The following NWD2 variants were observed in gnomAD, a reference collection of about 807,000 sequenced individuals.
NWD2 encodes NACHT and WD repeat domain-containing protein 2.
NWD2 carries 37 observed loss-of-function variants against 132.7 expected under a neutral mutation model. That is an observed-to-expected ratio of 0.28 (90% CI 0.21 to 0.37). The LOEUF (loss-of-function observed/expected upper bound fraction) is 0.37. NWD2 is among the 10% of genes least tolerant of loss of function. NWD2 has a pLI of 1.00. For missense variants in NWD2, 1,592 were observed against 2,122.4 expected, an observed-to-expected ratio of 0.75 and a Z score of 4.91; for synonymous variants, 705 against 803.0, an observed-to-expected ratio of 0.88 and a Z score of 2.06.
At chr4:37,398,765 A>G (rs1028849279) in intron 3 of NWD2, among the ~76,000 whole-genome samples, 36 of 152,356 alleles carry the variant, frequency 2.4e-4, no homozygotes, top group Admixed American at 2.4e-3. Context: ...CTATGCCAAA[A>G]AGAATTTAAC....
chr4:37,431,612 C>T (rs1007538302), intron 4 of NWD2, among the ~76,000 whole-genome samples: 4 of 152,156 alleles, frequency 2.6e-5, no homozygotes, highest in Non-Finnish European at 5.9e-5. Context: ...GAGAGCAGAT[C>T]TCAAGTGTTC....
intron 3 of NWD2, among the ~76,000 whole-genome samples, chr4:37,420,627 G>A (rs1711780705): frequency 6.6e-6 from 1 of 152,176 alleles, no homozygotes; most frequent in African/African-American, 2.4e-5. Flanking sequence ...AGGTTGCAGT[G>A]AGCTGAGATC....
At chr4:37,418,174 T>C (rs1181769949) in intron 3 of NWD2, among the ~76,000 whole-genome samples, 6 of 151,892 alleles carry the variant, frequency 4.0e-5, no homozygotes, top group African/African-American at 1.5e-4. Context: ...GGGTGGTAAG[T>C]CAAAGGGCCC....
Position 37,443,684 on chromosome 4 carries a change from T to A in NWD2, c.1696T>A (p.Tyr566Asn). Residue 566 changes from tyrosine (Y) to asparagine (N), a missense_variant, in exon 7 of 7, where the codon TAC (tyrosine) becomes AAC (asparagine). Physicochemically the swap from Tyr to Asn is moderately radical, Grantham distance 143. Coordinates refer to ENST00000309447, the MANE Select transcript of NWD2 (RefSeq NM_001144990.2). The surrounding 1 kb of genome is among the most constrained non-coding windows in gnomAD (Gnocchi z 4.1). ...LRCLIHEEDN[Y>N]IELIPRDRKM... ...GTGCCTTATCCATGAAGAAGACAAC[T>A]ACATCGAGCTGATTCCCCGAGACAG... The A allele has an allele frequency of 6.4e-7, 1 of 1,552,072 alleles. No homozygotes were observed. The highest frequency in any genetic ancestry group is 8.7e-7 in the Non-Finnish European group (1 of 1,147,104).
In NWD2 at chr4:37,447,145, A is replaced by T; in HGVS notation, c.5157A>T (p.Lys1719Asn). 6.4e-7 allele frequency: 1 copy of T among 1,551,370 alleles called. No individual in the cohort carries two copies. The highest frequency in any genetic ancestry group is 1.2e-5 in the South Asian group (1 of 84,054). ...CCAATGAAGCAACACCCTCCAAGAA[A>T]CACAACTCTTGTTATGAGCGGGTAT... ...TESNEATPSKKHNSCYERVCS... is the reference protein window; with the variant it reads ...TESNEATPSKNHNSCYERVCS... Residue 1719 changes from lysine to asparagine, a missense_variant, in exon 7 of 7, where the codon AAA (lysine) becomes AAT (asparagine). Coordinates refer to ENST00000309447, the MANE Select transcript of NWD2 (RefSeq NM_001144990.2).
At chr4:37,290,509 T>A (rs1718337739) in intron 1 of NWD2, among the ~76,000 whole-genome samples, 1 of 152,148 alleles carries the variant, frequency 6.6e-6, no homozygotes, top group Non-Finnish European at 1.5e-5. Flanking sequence ...TATAACTTAG[T>A]CCTTCTGGGA....
chr4:37,296,128 T>C lies in NWD2; in HGVS notation c.152-29808T>C, dbSNP rs115188160. On this transcript the variant is annotated intron_variant, in intron 1 of 6. Coordinates refer to ENST00000309447, the MANE Select transcript of NWD2 (RefSeq NM_001144990.2). ...CCTAAGTCTATTTCATGCCACATTG[T>C]TCTTCCTTTTCTGTTTTTTAAAATA... Among the ~76,000 whole-genome samples, 193 of 152,332 alleles carry C rather than the reference T, an allele frequency of 1.3e-3. 1 individual carries two copies. The highest frequency in any genetic ancestry group is 4.4e-3 in the African/African-American group (184 of 41,560).
intron 1 of NWD2, among the ~76,000 whole-genome samples, chr4:37,305,139 GAGCTCT>G (rs1317267866): frequency 2.1e-4 from 32 of 152,324 alleles, no homozygotes; most frequent in African/African-American, 7.5e-4. Context: ...GCCACGGCCT[GAGCTCT>G]ATGTTGGCCC....
rs141467258 is a variant in NWD2 at position 37,429,375 on chromosome 4, C to T, written c.358-1197C>T. On this transcript the variant is annotated intron_variant, in intron 3 of 6. Coordinates refer to ENST00000309447, the MANE Select transcript of NWD2 (RefSeq NM_001144990.2). ...TGTTGACCAGGCTGGAGTGCAGTGG[C>T]GCAATCTTGGCTCACTGAAACCTCC... Among the ~76,000 whole-genome samples the T allele has an allele frequency of 2.3e-3, 350 of 152,134 alleles. 1 individual carries two copies. Among genetic ancestry groups the T allele is most frequent in the South Asian group, 6.4e-3 (31 of 4,828 alleles).
At chr4:37,369,698 G>T (rs190106250) in intron 3 of NWD2, among the ~76,000 whole-genome samples, 10 of 152,280 alleles carry the variant, frequency 6.6e-5, no homozygotes, top group African/African-American at 2.2e-4. Flanking sequence ...GATGTAATAG[G>T]TCAAATGCAA....
At chr4:37,273,224 C>T (rs758326040) in intron 1 of NWD2, among the ~76,000 whole-genome samples, 31 of 151,984 alleles carry the variant, frequency 2.0e-4, no homozygotes, top group Non-Finnish European at 3.8e-4. Flanking sequence ...TGTCATTCCA[C>T]AGCCTTCTAG....
chr4:37,344,738 A>G (rs141617755), intron 2 of NWD2, among the ~76,000 whole-genome samples: 7 of 152,298 alleles, frequency 4.6e-5, no homozygotes, highest in South Asian at 4.1e-4. Flanking sequence ...TGTAAAATTC[A>G]CCCACTTGAA....
chr4:37,262,622 A>G (rs1717662967), intron 1 of NWD2, among the ~76,000 whole-genome samples: 1 of 152,182 alleles, frequency 6.6e-6, no homozygotes, highest in African/African-American at 2.4e-5. Context: ...GGATAGTGAA[A>G]TGTGGAACCT....
intron 1 of NWD2, among the ~76,000 whole-genome samples, chr4:37,265,032 T>G (rs576627324): frequency 6.6e-6 from 1 of 152,048 alleles, no homozygotes; most frequent in East Asian, 1.9e-4. Flanking sequence ...GAAACAATAT[T>G]AAAATCAGAT....
intron 1 of NWD2, among the ~76,000 whole-genome samples, chr4:37,288,538 T>G (rs1577656520): frequency 6.6e-6 from 1 of 152,218 alleles, no homozygotes; most frequent in Non-Finnish European, 1.5e-5. Flanking sequence ...TTATTCATAG[T>G]GCTTCTAATT....
In NWD2 at chr4:37,371,072, C is replaced by CTTTTTTTTTTTTTTTTTTTTTTTT. The variant is rs1309185055; in HGVS notation, c.357+14595_357+14596insTTTTTTTTTTTTTTTTTTTTTTTT. 2.0e-5 allele frequency among the ~76,000 whole-genome samples: 2 copies of CTTTTTTTTTTTTTTTTTTTTTTTT among 100,526 alleles called. 1 individual carries two copies. The highest frequency in any genetic ancestry group is 3.7e-5 in the Non-Finnish European group (2 of 53,620). 65.9% of individuals were successfully genotyped at this position (100,526 alleles called of 152,430 possible). On this transcript the variant is annotated intron_variant, in intron 3 of 6. Coordinates refer to ENST00000309447, the MANE Select transcript of NWD2 (RefSeq NM_001144990.2). ...TGCCAAAGAAGTTCAATTTTTTTTT[C>CTTTTTTTTTTTTTTTTTTTTTTTT]TTTTTCTTTTTTTTTTTTTTTTTGA...
intron 3 of NWD2, among the ~76,000 whole-genome samples, chr4:37,429,359 G>A (rs1414790573): frequency 2.0e-5 from 3 of 152,040 alleles, no homozygotes; most frequent in African/African-American, 7.3e-5. Context: ...CTGTTGACCA[G>A]GCTGGAGTGC....
chr4:37,247,679 G>A (rs868816454), intron 1 of NWD2, among the ~76,000 whole-genome samples: 3 of 151,608 alleles, frequency 2.0e-5, no homozygotes, highest in Admixed American at 6.6e-5. Flanking sequence ...GCGCAATCTC[G>A]GCTCACTGCA....
intron 3 of NWD2, among the ~76,000 whole-genome samples, chr4:37,422,360 C>A (rs1352255365): frequency 1.3e-5 from 2 of 152,160 alleles, no homozygotes; most frequent in African/African-American, 4.8e-5. Context: ...GTGCAGTTAA[C>A]CCAGCATAAT....
Sources: gnomAD v4.1 joint callset for allele counts (sites outside exome capture counted in the v4.1 genomes callset) on GRCh38, gnomAD v4.1.1 for gene constraint, Gnocchi (gnomAD v3.1) non-coding constraint, MANE v1.5 for transcripts, NCBI Gene and HGNC (gene_info 2026-07-23, HGNC 2026-07-21) for gene names.